The following VPS13C variants were observed in gnomAD, a reference collection of about 807,000 sequenced individuals.
VPS13C encodes the protein vacuolar protein sorting 13 homolog C, also known as intermembrane lipid transfer protein VPS13C.
Under a neutral mutation model 456.8 loss-of-function variants are expected in VPS13C, and 358 were observed. That is an observed-to-expected ratio of 0.78 (90% CI 0.72 to 0.86). VPS13C has a LOEUF of 0.86. Ranked by LOEUF, VPS13C falls within the 40% of genes least tolerant of loss-of-function variation. The pLI is 0.00. For synonymous variants in VPS13C, 1,578 were observed against 1,486.7 expected, an observed-to-expected ratio of 1.06 and a Z score of -1.41; for missense variants, 4,818 against 4,385.4, an observed-to-expected ratio of 1.10 and a Z score of -2.79.
At chr15:61,962,228 G>C in intron 34 of VPS13C, 143 bp downstream of exon 34, 1 of 713,156 alleles carries the variant, frequency 1.4e-6, no homozygotes, top group East Asian at 3.0e-5. Flanking sequence ...TTAAATAGGG[G>C]TTTTGATCTC....
At chr15:61,950,503 G>T in intron 40 of VPS13C, 86 bp from the exon 41 acceptor site, 3 of 1,016,282 alleles carry the variant, frequency 3.0e-6, no homozygotes, top group Non-Finnish European at 2.9e-6. Context: ...ACTTTTCTAA[G>T]TATGCTATTA....
intron 4 of VPS13C, among the ~76,000 whole-genome samples, 200 bp downstream of exon 4, chr15:62,034,751 TCAACAA>T (rs1055757744): frequency 6.6e-6 from 1 of 151,830 alleles, no homozygotes; most frequent in Admixed American, 6.6e-5. Flanking sequence ...AATTAAATTT[TCAACAA>T]CAACAATACT....
Position 61,962,552 on chromosome 15 carries a change from A to G in VPS13C, c.3436-14T>C. ...TATTGACACAGCCTGAAAAACAGAG[A>G]CTTGAATGTACTCTATCCGGGAAGG... is the stretch of plus-strand genomic sequence containing the variant. On this transcript the variant is annotated splice_polypyrimidine_tract_variant and intron_variant, in intron 33 of 84. Coordinates refer to ENST00000644861, the MANE Select transcript of VPS13C (RefSeq NM_020821.3). 1.9e-6 allele frequency: 3 copies of G among 1,603,772 alleles called. No homozygotes were observed. The highest frequency in any genetic ancestry group is 2.6e-6 in the Non-Finnish European group (3 of 1,174,234).
chr15:61,924,923 C>A (rs1454060372), intron 53 of VPS13C, among the ~76,000 whole-genome samples: 1 of 152,038 alleles, frequency 6.6e-6, no homozygotes, highest in Non-Finnish European at 1.5e-5. Flanking sequence ...ACTTAAAGAA[C>A]CTGAACGCCA....
chr15:61,950,948 TGTCA>T lies in VPS13C; in HGVS notation c.4529_4532del (p.Leu1510GlnfsTer21). The stretch of plus-strand genomic sequence containing the variant: ...TCCTAGAAATGAAACTAGTTACCTT[TGTCA>T]GTAACATTTTCAGAAGGGGTTCGTC... On this transcript the variant is annotated frameshift_variant, in exon 40 of 85. Coordinates refer to ENST00000644861, the MANE Select transcript of VPS13C (RefSeq NM_020821.3). LOFTEE classifies it high-confidence loss of function. 1 of 1,592,756 alleles carries T rather than the reference TGTCA, an allele frequency of 6.3e-7. No homozygotes were observed. Among genetic ancestry groups the T allele is most frequent in the Non-Finnish European group, 8.6e-7 (1 of 1,167,990 alleles).
chr15:62,051,407 T>C (rs1204241415), intron 1 of VPS13C, among the ~76,000 whole-genome samples: 2 of 152,166 alleles, frequency 1.3e-5, no homozygotes, highest in Non-Finnish European at 2.9e-5. Context: ...CATTAAGCAA[T>C]AGAAGCTGAG....
rs201151700 is a variant in VPS13C, at chr15:61,920,344, A to G, written c.7213-13T>C. On this transcript the variant is annotated splice_polypyrimidine_tract_variant and intron_variant, in intron 56 of 84. Transcript: ENST00000644861. ...CCTCTGAAAAACCCTGAAAAGGAACATATCATCACAGTAAAATTTTTGAAA... is the reference window on the plus strand; with the variant it reads ...CCTCTGAAAAACCCTGAAAAGGAACGTATCATCACAGTAAAATTTTTGAAA... 230 of 1,557,738 alleles carry G rather than the reference A, an allele frequency of 1.5e-4. 2 individuals are homozygous for G. In the African/African-American group the frequency reaches 2.6e-3, roughly 18 times the overall value.
rs773553545 is a variant in VPS13C at position 61,868,730 on chromosome 15, G to A, written c.10792C>T (p.Arg3598Cys). The A allele has an allele frequency of 3.1e-6, 5 of 1,613,994 alleles. No individual in the cohort carries two copies. Among genetic ancestry groups the A allele is most frequent in the East Asian group, 2.2e-5 (1 of 44,876 alleles). ...TEEVSSLRPP[R>C]LIHEDGIIRP... Reference sequence around the variant, plus strand: ...ATGATGCCATCTTCATGGATCAGGCGAGGGGGACGGAGGCTAGATACTTCC... The same window carrying A: ...ATGATGCCATCTTCATGGATCAGGCAAGGGGGACGGAGGCTAGATACTTCC... Residue 3598 changes from arginine (R) to cysteine (C), a missense_variant, in exon 81 of 85, where the codon CGC becomes TGC. Arg to Cys is a radical substitution (Grantham distance 180). This residue lies in a region of VPS13C where 261 missense variants were observed against 234.1 expected (regional missense o/e 1.11). Coordinates refer to ENST00000644861, the MANE Select transcript of VPS13C (RefSeq NM_020821.3).
intron 66 of VPS13C, among the ~76,000 whole-genome samples, chr15:61,895,179 A>C (rs1270423997): frequency 6.6e-6 from 1 of 152,184 alleles, no homozygotes; most frequent in African/African-American, 2.4e-5. Flanking sequence ...ATGGAAACAC[A>C]ATATATCAAA....
intron 9 of VPS13C, among the ~76,000 whole-genome samples, chr15:62,015,795 A>C (rs1321699561): frequency 2.2e-5 from 1 of 46,484 alleles, no homozygotes; most frequent in African/African-American, 8.1e-5. Context: ...GGGAGGGGGG[A>C]GGGGGGAGGG....
At chr15:62,002,713 G>A (rs902030053) in intron 15 of VPS13C, among the ~76,000 whole-genome samples, 14 of 152,098 alleles carry the variant, frequency 9.2e-5, no homozygotes, top group Non-Finnish European at 1.8e-4. Context: ...GTAAGGAAGG[G>A]ATCCAGTTTC....
chr15:62,033,981 A>C (rs1289759870), intron 4 of VPS13C, among the ~76,000 whole-genome samples: 1 of 151,516 alleles, frequency 6.6e-6, no homozygotes, highest in African/African-American at 2.4e-5. Context: ...AAAATATATA[A>C]GCCCTTTTTA....
Position 61,962,535 on chromosome 15 carries a change from C to T in VPS13C, c.3439G>A (p.Val1147Met), listed in dbSNP as rs961675486. 1 of 1,607,166 alleles carries T rather than the reference C, an allele frequency of 6.2e-7. No individual in the cohort carries two copies. The highest frequency in any genetic ancestry group is 8.5e-7 in the Non-Finnish European group (1 of 1,176,050). Residue 1147 changes from valine (V) to methionine (M), a missense_variant, in exon 34 of 85, where the codon GTG (valine) becomes ATG (methionine). Val to Met is a conservative substitution (Grantham distance 21). This residue lies in a region of VPS13C where 4,552 missense variants were observed against 4,130.6 expected (regional missense o/e 1.10). Transcript: ENST00000644861. ...VDPKTVHKKAVSIMGNEVFRF... is the reference protein window; with the variant it reads ...VDPKTVHKKAMSIMGNEVFRF... ...AAAACTTCATTTCCCATTATTGACA[C>T]AGCCTGAAAAACAGAGACTTGAATG...
In VPS13C at chr15:61,951,828, G is replaced by A. The variant is rs750202985; in HGVS notation, c.4452C>T (p.Phe1484=). The A allele has an allele frequency of 1.2e-6, 2 of 1,607,962 alleles. No homozygotes were observed. Among genetic ancestry groups the A allele is most frequent in the Non-Finnish European group, 1.7e-6 (2 of 1,177,342 alleles). Residue 1484 remains phenylalanine (F), a synonymous_variant, in exon 39 of 85, where the codon TTC becomes TTT. Transcript: ENST00000644861. ...LKKISMQCFD[F]TDSKGEPLHI... ...CAGACAATATTTCACACTTACCAGT[G>A]AAATCAAAGCACTGCATACTAATTT... is the stretch of plus-strand genomic sequence containing the variant.
chr15:61,915,844 G>A lies in VPS13C; in HGVS notation c.8234C>T (p.Ser2745Phe). 6.2e-7 allele frequency: 1 copy of A among 1,613,966 alleles called. No homozygotes were observed. Among genetic ancestry groups the A allele is most frequent in the Non-Finnish European group, 8.5e-7 (1 of 1,179,998 alleles). The change falls in exon 61 of 85, where the codon TCC (serine) becomes TTC (phenylalanine). Residue 2745 changes from serine (S) to phenylalanine (F), a missense_variant. Transcript: ENST00000644861. The part of the protein sequence containing the change: ...EFFPVCFSSD[S>F]TEVTTVDLSV... ...CAGGTCGACTGTCGTCACTTCTGTG[G>A]AGTCAGAAGAAAAACACACAGGAAA...
intron 15 of VPS13C, among the ~76,000 whole-genome samples, chr15:62,006,014 C>T (rs2046826634): frequency 6.6e-6 from 1 of 151,776 alleles, no homozygotes; most frequent in Admixed American, 6.6e-5. Flanking sequence ...GTGTTTCTAC[C>T]TTTTAAAAGG....
At chr15:61,902,742 A>T (rs768699197) in intron 66 of VPS13C, among the ~76,000 whole-genome samples, 5 of 152,232 alleles carry the variant, frequency 3.3e-5, no homozygotes, top group Non-Finnish European at 2.9e-5. Flanking sequence ...CTAACATCAT[A>T]CCGAAGAAGG....
rs1355621621 is a variant in VPS13C, at chr15:61,954,416, C to T, written c.4299+5G>A. On this transcript the variant is annotated splice_donor_5th_base_variant and intron_variant, in intron 38 of 84. Transcript: ENST00000644861. The stretch of plus-strand genomic sequence containing the variant: ...ACTTTACAAAAACAGATGAAAATTA[C>T]ACACCTCTTTAATTTCAAAATTCAG... The T allele has an allele frequency of 2.5e-6, 4 of 1,602,062 alleles. No homozygotes were observed. In the South Asian group the frequency reaches 4.6e-5, roughly 18 times the overall value.
chr15:61,947,777 C>T (rs949857609), intron 42 of VPS13C, among the ~76,000 whole-genome samples: 5 of 152,092 alleles, frequency 3.3e-5, no homozygotes, highest in Non-Finnish European at 5.9e-5. Context: ...TTATTAACTA[C>T]ATGATAAATT....
Sources: gnomAD v4.1 joint callset for allele counts (sites outside exome capture counted in the v4.1 genomes callset) on GRCh38, gnomAD v4.1.1 for gene constraint, gnomAD v4.1.1 regional missense constraint, MANE v1.5 for transcripts, NCBI Gene and HGNC (gene_info 2026-07-23, HGNC 2026-07-21) for gene names.